SPIDR: variants seen among roughly 807,000 people sequenced by gnomAD.
SPIDR encodes scaffold protein involved in DNA repair, also known as DNA repair-scaffolding protein.
Under a neutral mutation model 104.6 loss-of-function variants are expected in SPIDR, and 93 were observed. That is an observed-to-expected ratio of 0.89 (90% CI 0.75 to 1.06). The LOEUF is 1.06. Among genes scored for constraint, SPIDR ranks in the 50% least tolerant of loss-of-function variants. The pLI, the probability that SPIDR is intolerant of heterozygous loss-of-function variation, is 0.00. For synonymous variants in SPIDR, 431 were observed against 416.9 expected (o/e 1.03, Z -0.41); for missense variants, 1,154 against 1,111.2 (o/e 1.04, Z -0.55).
At chr8:47,569,494 GGATA>G (rs1358577096) in intron 8 of SPIDR, among the ~76,000 whole-genome samples, 3 of 152,132 alleles carry the variant, frequency 2.0e-5, no homozygotes, top group African/African-American at 7.2e-5. Flanking sequence ...ACATTTTCCA[GGATA>G]GATTATTTGT....
At chr8:47,505,473 T>A (rs1214609620) in intron 8 of SPIDR, among the ~76,000 whole-genome samples, 1 of 152,206 alleles carries the variant, frequency 6.6e-6, no homozygotes, top group African/African-American at 2.4e-5. Context: ...CCATATGCTA[T>A]GACCATTGGA....
chr8:47,383,249 CTTCT>C (rs1554646506), intron 5 of SPIDR, among the ~76,000 whole-genome samples: 1 of 152,164 alleles, frequency 6.6e-6, no homozygotes, highest in Non-Finnish European at 1.5e-5. Flanking sequence ...TATTTTATTT[CTTCT>C]TTCTTTGCTC....
At chr8:47,712,986 G>T in intron 15 of SPIDR, 114 bp downstream of exon 15, 1 of 1,516,320 alleles carries the variant, frequency 6.6e-7, no homozygotes. Flanking sequence ...GCACCTTCAC[G>T]GAGCCCATCA....
intron 1 of SPIDR, among the ~76,000 whole-genome samples, chr8:47,271,046 G>A (rs1586112927): frequency 6.6e-6 from 1 of 152,110 alleles, no homozygotes; most frequent in Admixed American, 6.5e-5. Context: ...GGGTAGGGGG[G>A]TGTCTTCATG....
At chr8:47,382,700 CCAG>C in intron 5 of SPIDR, among the ~76,000 whole-genome samples, 1 of 152,220 alleles carries the variant, frequency 6.6e-6, no homozygotes, top group East Asian at 1.9e-4. Flanking sequence ...GCATGAGCCA[CCAG>C]GCCCAGCCTG....
At chr8:47,685,509 A>T (rs371274037) in intron 11 of SPIDR, among the ~76,000 whole-genome samples, 7,987 of 104,782 alleles carry the variant, frequency 0.076, 418 homozygotes, top group Non-Finnish European at 0.12. Flanking sequence ...TTATTTATTT[A>T]TTTATTTATT....
At chr8:47,646,106 A>G (rs1189987752) in intron 10 of SPIDR, among the ~76,000 whole-genome samples, 1 of 152,236 alleles carries the variant, frequency 6.6e-6, no homozygotes, top group Non-Finnish European at 1.5e-5. Context: ...ATTAGTAGGG[A>G]AGACTGACAA....
intron 8 of SPIDR, among the ~76,000 whole-genome samples, chr8:47,485,517 C>T (rs1232864087): frequency 6.6e-6 from 1 of 152,226 alleles, no homozygotes; most frequent in Non-Finnish European, 1.5e-5. Flanking sequence ...GTTCTCCCAG[C>T]ACAGAGTCTG....
At chr8:47,576,938 C>G (rs993811711) in intron 8 of SPIDR, among the ~76,000 whole-genome samples, 1 of 152,148 alleles carries the variant, frequency 6.6e-6, no homozygotes, top group Non-Finnish European at 1.5e-5. Flanking sequence ...TTTGACCTGC[C>G]ATACAACAGT....
intron 8 of SPIDR, among the ~76,000 whole-genome samples, chr8:47,550,896 G>A (rs2090348412): frequency 6.6e-6 from 1 of 152,162 alleles, no homozygotes; most frequent in Non-Finnish European, 1.5e-5. Context: ...TATGATATTG[G>A]CTGTGGGTTT....
At chr8:47,516,331 G>C (rs1471556787) in intron 8 of SPIDR, among the ~76,000 whole-genome samples, 1 of 152,134 alleles carries the variant, frequency 6.6e-6, no homozygotes, top group Non-Finnish European at 1.5e-5. Flanking sequence ...ATTTTCAGTG[G>C]TATTAACTAC....
At chr8:47,544,569 G>A (rs1334587302) in intron 8 of SPIDR, among the ~76,000 whole-genome samples, 1 of 152,168 alleles carries the variant, frequency 6.6e-6, no homozygotes, top group African/African-American at 2.4e-5. Context: ...TTTTTTGCCT[G>A]TGGGTGTCCA....
At chr8:47,379,815 C>T (rs2059115904) in intron 5 of SPIDR, among the ~76,000 whole-genome samples, 1 of 152,166 alleles carries the variant, frequency 6.6e-6, no homozygotes, top group Non-Finnish European at 1.5e-5. Context: ...GCCTTTGCTC[C>T]TTGTGGAGCT....
At chr8:47,394,593 C>T (rs538177689) in intron 5 of SPIDR, among the ~76,000 whole-genome samples, 6 of 152,318 alleles carry the variant, frequency 3.9e-5, no homozygotes, top group Admixed American at 2.0e-4. Context: ...GCACACACGT[C>T]GGCCCACCTC....
At chr8:47,591,410 T>C (rs1370488285) in intron 8 of SPIDR, among the ~76,000 whole-genome samples, 2 of 151,150 alleles carry the variant, frequency 1.3e-5, no homozygotes, top group African/African-American at 4.9e-5. Context: ...CCTCCCTTTA[T>C]ATCCCCTTTC....
chr8:47,668,971 A>G (rs2075398427), intron 10 of SPIDR, among the ~76,000 whole-genome samples: 1 of 152,224 alleles, frequency 6.6e-6, no homozygotes, highest in Admixed American at 6.5e-5. Flanking sequence ...AGATTTATCT[A>G]CCAGTCACTC....
At chr8:47,578,945 A>T (rs749357759) in intron 8 of SPIDR, among the ~76,000 whole-genome samples, 2 of 152,216 alleles carry the variant, frequency 1.3e-5, no homozygotes, top group African/African-American at 4.8e-5. Flanking sequence ...AGTCTTGTCA[A>T]ATAAGAAGCT....
At chr8:47,495,893 CA>C (rs2079375872) in intron 8 of SPIDR, among the ~76,000 whole-genome samples, 1 of 152,092 alleles carries the variant, frequency 6.6e-6, no homozygotes, top group African/African-American at 2.4e-5. Context: ...GTCCTTATGC[CA>C]CTATTGACTT....
chr8:47,534,007 T>C (rs780211034), intron 8 of SPIDR, among the ~76,000 whole-genome samples: 4 of 152,224 alleles, frequency 2.6e-5, no homozygotes, highest in Admixed American at 2.0e-4. Context: ...GTGGAGGTAA[T>C]TGAATCATGG....
Sources: gnomAD v4.1 joint callset for allele counts (sites outside exome capture counted in the v4.1 genomes callset) on GRCh38, gnomAD v4.1.1 for gene constraint, MANE v1.5 for transcripts, NCBI Gene and HGNC (gene_info 2026-07-23, HGNC 2026-07-21) for gene names.